PDE4D: variants seen among roughly 807,000 people sequenced by gnomAD.
PDE4D encodes 3',5'-cyclic-AMP phosphodiesterase 4D.
A neutral mutation model predicts 87.4 loss-of-function variants in PDE4D; 24 were observed. The ratio of observed to expected loss-of-function variants is 0.27; its 90% CI spans 0.20 to 0.39. The LOEUF is 0.39. Among genes scored for constraint, PDE4D ranks in the 10% least tolerant of loss-of-function variants. PDE4D has a pLI of 1.00. For synonymous variants in PDE4D, 384 were observed against 383.2 expected (o/e 1.00, Z -0.02); for missense variants, 714 against 1,041.0 (o/e 0.69, Z 4.32).
At position 59,396,244 on chromosome 5, in the gene PDE4D, ACTC is replaced by A. The variant is rs1789395817; in HGVS notation, c.456-180279_456-180277del. On this transcript the variant is annotated intron_variant, in intron 1 of 14. Transcript: ENST00000340635. The stretch of plus-strand genomic sequence containing the variant: ...GAAATACACAGAACGCCACAAAGAT[ACTC>A]CTCGAGAAGAGCAACTCCAAGACAC... Among the ~76,000 whole-genome samples the A allele has an allele frequency of 1.8e-5, 2 of 111,386 alleles. 1 individual carries two copies. The highest frequency in any genetic ancestry group is 3.7e-5 in the Non-Finnish European group (2 of 54,636). The allele number at this position is 111,386 out of a possible 152,430, so 73.1% of individuals were successfully genotyped here.
At chr5:59,304,967 A>T (rs971090899) in intron 1 of PDE4D, among the ~76,000 whole-genome samples, 2 of 152,104 alleles carry the variant, frequency 1.3e-5, no homozygotes, top group Admixed American at 1.3e-4. Context: ...TGTCAAAAGG[A>T]TTGGTACCAA....
intron 2 of PDE4D, among the ~76,000 whole-genome samples, chr5:60,001,773 G>A (rs1399948476): frequency 6.6e-6 from 1 of 151,336 alleles, no homozygotes; most frequent in African/African-American, 2.4e-5. Flanking sequence ...AAGTAAAAGT[G>A]TAGAGTTTTT....
At chr5:60,197,127 T>A (rs1174303980) in intron 1 of PDE4D, among the ~76,000 whole-genome samples, 1 of 125,354 alleles carries the variant, frequency 8.0e-6, no homozygotes, top group Non-Finnish European at 1.8e-5. Flanking sequence ...ATAGATAGAT[T>A]AGATAGGAAT....
intron 1 of PDE4D, among the ~76,000 whole-genome samples, chr5:59,505,251 A>G (rs1193544155): frequency 6.6e-6 from 1 of 152,236 alleles, no homozygotes; most frequent in East Asian, 1.9e-4. Context: ...TATTATTAGC[A>G]GAAGTTGAAA....
intron 1 of PDE4D, among the ~76,000 whole-genome samples, chr5:59,834,670 T>C (rs1182661394): frequency 2.6e-5 from 4 of 152,036 alleles, no homozygotes; most frequent in Admixed American, 2.6e-4. Flanking sequence ...GAAGAAAGTG[T>C]TGACTGAGCA....
intron 1 of PDE4D, among the ~76,000 whole-genome samples, chr5:59,730,750 T>C (rs1361246611): frequency 2.0e-5 from 3 of 152,166 alleles, no homozygotes; most frequent in African/African-American, 7.2e-5. Flanking sequence ...TCAATTATTG[T>C]AGTCATGTGC....
chr5:59,471,073 C>T (rs1802362118), intron 1 of PDE4D, among the ~76,000 whole-genome samples: 2 of 152,076 alleles, frequency 1.3e-5, no homozygotes, highest in African/African-American at 4.8e-5. Context: ...GAGACCCTGT[C>T]TCTACTAAAA....
At chr5:59,425,565 T>C (rs1232025946) in intron 1 of PDE4D, among the ~76,000 whole-genome samples, 1 of 152,152 alleles carries the variant, frequency 6.6e-6, no homozygotes, top group Non-Finnish European at 1.5e-5. Context: ...TCAATAATAA[T>C]TTTAATACCT....
At chr5:60,488,075 T>TTC (rs1749298620) in exon 1 of PDE4D, 1 of 152,636 alleles carries the variant, frequency 6.6e-6, no homozygotes, top group Non-Finnish European at 1.5e-5. Context: ...GGACTCGTGC[T>TTC]TCTCGTACGC....
intron 6 of PDE4D, among the ~76,000 whole-genome samples, chr5:59,035,324 A>G (rs1758312409): frequency 6.6e-6 from 1 of 152,234 alleles, no homozygotes; most frequent in Non-Finnish European, 1.5e-5. Context: ...TAAACTTCTA[A>G]TTAGAACTTC....
At chr5:60,205,955 T>G (rs1447291667) in intron 1 of PDE4D, among the ~76,000 whole-genome samples, 1 of 152,162 alleles carries the variant, frequency 6.6e-6, no homozygotes, top group Non-Finnish European at 1.5e-5. Flanking sequence ...ATGTACTTCA[T>G]TTTGAAAATT....
At chr5:59,268,312 C>G (rs1763196693) in intron 1 of PDE4D, among the ~76,000 whole-genome samples, 1 of 152,090 alleles carries the variant, frequency 6.6e-6, no homozygotes, top group Admixed American at 6.6e-5. Context: ...TTCTGGCATT[C>G]TTCCTACTTT....
At position 59,529,130 on chromosome 5, in the gene PDE4D, T is replaced by C. The variant is rs1813696181; in HGVS notation, c.456-313162A>G. On this transcript the variant is annotated intron_variant, in intron 1 of 14. Transcript: ENST00000340635. ...CAGACTCACTCCTAAAACTCACTCT[T>C]GGGAGCTCTGTGTGGAATTGGGCCC... is the stretch of plus-strand genomic sequence containing the variant. 8 of 485,072 alleles carry C rather than the reference T, an allele frequency of 1.6e-5. No homozygotes were observed. The Admixed American group carries it at 1.7e-4, about 11-fold the overall frequency. The allele number at this position is 485,072 out of a possible 1,614,324, so 30.0% of individuals were successfully genotyped here.
At chr5:59,047,868 T>C (rs778947849) in intron 5 of PDE4D, among the ~76,000 whole-genome samples, 33 of 152,334 alleles carry the variant, frequency 2.2e-4, no homozygotes, top group South Asian at 8.3e-4. Context: ...CTTTCTACCA[T>C]GTGGATACAT....
At chr5:60,170,554 GT>G (rs537436470) in intron 2 of PDE4D, among the ~76,000 whole-genome samples, 171 of 152,018 alleles carry the variant, frequency 1.1e-3, no homozygotes, top group African/African-American at 3.9e-3. Context: ...ATAAGGTAAT[GT>G]TTTTTAAGAG....
Position 59,202,267 on chromosome 5 carries a change from C to T in PDE4D, c.648-8731G>A, listed in dbSNP as rs185540408. 2.7e-3 allele frequency among the ~76,000 whole-genome samples: 405 copies of T among 152,160 alleles called. 3 individuals are homozygous for T. The highest frequency in any genetic ancestry group is 4.6e-3 in the Non-Finnish European group (311 of 67,992). On this transcript the variant is annotated intron_variant, in intron 2 of 14. Coordinates refer to ENST00000340635, the MANE Select transcript of PDE4D (RefSeq NM_001104631.2). ...GTGTTAGCCAGGATGGTCTCGATCT[C>T]CTGACGTCGTGATCCACCTGCCTCG...
intron 1 of PDE4D, among the ~76,000 whole-genome samples, chr5:59,610,419 C>T (rs1245072862): frequency 1.3e-5 from 2 of 152,174 alleles, no homozygotes; most frequent in Non-Finnish European, 2.9e-5. Flanking sequence ...TGACATCACA[C>T]TGTATCATGT....
intron 5 of PDE4D, among the ~76,000 whole-genome samples, chr5:59,122,726 C>A (rs780830571): frequency 4.3e-4 from 66 of 152,126 alleles, no homozygotes; most frequent in Non-Finnish European, 7.8e-4. Flanking sequence ...ATAGTAAAGT[C>A]AAGAATTCAG....
chr5:59,595,094 C>A (rs1044901297), intron 1 of PDE4D, among the ~76,000 whole-genome samples: 2 of 152,084 alleles, frequency 1.3e-5, no homozygotes, highest in South Asian at 4.1e-4. Context: ...ATTTTATACC[C>A]AGAATATGTA....
Sources: allele counts gnomAD v4.1 joint callset (sites outside exome capture counted in the v4.1 genomes callset), GRCh38; gene constraint gnomAD v4.1.1; transcripts MANE v1.5; gene names NCBI Gene and HGNC (gene_info 2026-07-23, HGNC 2026-07-21).